SHROOM3: variants seen among roughly 807,000 people sequenced by gnomAD.
SHROOM3 encodes protein Shroom3.
A neutral mutation model predicts 138.6 loss-of-function variants in SHROOM3; 47 were observed. The ratio of observed to expected loss-of-function variants is 0.34; its 90% CI spans 0.27 to 0.43. The LOEUF is 0.43. Among genes scored for constraint, SHROOM3 ranks in the 20% least tolerant of loss-of-function variants. SHROOM3 has a pLI of 1.00. For synonymous variants in SHROOM3, 1,062 were observed against 1,063.3 expected, an observed-to-expected ratio of 1.00 and a Z score of 0.02; for missense variants, 2,491 against 2,596.5, an observed-to-expected ratio of 0.96 and a Z score of 0.88.
chr4:76,490,236 G>T lies in SHROOM3; in HGVS notation c.168+54016G>T, dbSNP rs74913236. 8.2e-3 allele frequency among the ~76,000 whole-genome samples: 1,249 copies of T among 152,264 alleles called. 16 individuals carry two copies. Among genetic ancestry groups the T allele is most frequent in the African/African-American group, 0.028 (1,147 of 41,556 alleles). ...ATACTTCTATGAAAAGGAAGACTTA[G>T]CCGGCAATCAGTCTGACTGGTTGTG... is the stretch of plus-strand genomic sequence containing the variant. On this transcript the variant is annotated intron_variant, in intron 1 of 10. Coordinates refer to ENST00000296043, the MANE Select transcript of SHROOM3 (RefSeq NM_020859.4).
chr4:76,595,589 ACT>A (rs1734364411), intron 2 of SHROOM3, among the ~76,000 whole-genome samples: 1 of 150,940 alleles, frequency 6.6e-6, no homozygotes, highest in African/African-American at 2.4e-5. Flanking sequence ...CCTCCTGCAA[ACT>A]CTCTTTTTTT....
intron 1 of SHROOM3, among the ~76,000 whole-genome samples, chr4:76,545,427 G>A (rs1055684005): frequency 6.6e-6 from 1 of 152,046 alleles, no homozygotes; most frequent in East Asian, 1.9e-4. Context: ...TGGTCCATAG[G>A]GTGTCACTGG....
At chr4:76,460,731 C>T (rs1731123023) in intron 1 of SHROOM3, among the ~76,000 whole-genome samples, 2 of 150,912 alleles carry the variant, frequency 1.3e-5, no homozygotes, top group African/African-American at 4.9e-5. Context: ...TAGCTCACAC[C>T]TGTAATCCCA....
chr4:76,716,553 C>T (rs980994679), intron 3 of SHROOM3: 54 of 409,104 alleles, frequency 1.3e-4, no homozygotes, highest in Non-Finnish European at 1.6e-4. Flanking sequence ...TAGGTTTAAA[C>T]CTGTTTCTCT....
intron 2 of SHROOM3, among the ~76,000 whole-genome samples, chr4:76,566,312 A>C (rs953067609): frequency 6.6e-6 from 1 of 152,106 alleles, no homozygotes; most frequent in East Asian, 1.9e-4. Context: ...TGCAAATATG[A>C]CATCATTTTA....
intron 1 of SHROOM3, among the ~76,000 whole-genome samples, chr4:76,442,346 G>C (rs562741715): frequency 1.3e-5 from 2 of 151,338 alleles, no homozygotes; most frequent in Non-Finnish European, 2.9e-5. Flanking sequence ...GTATCTGTGT[G>C]TATGTAAAGC....
At chr4:76,683,657 C>T (rs1719260356) in intron 2 of SHROOM3, among the ~76,000 whole-genome samples, 2 of 152,036 alleles carry the variant, frequency 1.3e-5, no homozygotes, top group African/African-American at 2.4e-5. Context: ...TGACTCTGAA[C>T]ATTTTTCTTG....
chr4:76,435,446 G>A lies in SHROOM3; in HGVS notation c.-607G>A, dbSNP rs1300941403. On this transcript the variant is annotated 5_prime_UTR_variant, in exon 1 of 11. Transcript: ENST00000296043. ...GATTGTTGAAAAAAAGAAGTAAAAAGTTTTAGCACAGCTTCTCTGTCTCTT... is the reference window on the plus strand; with the variant it reads ...GATTGTTGAAAAAAAGAAGTAAAAAATTTTAGCACAGCTTCTCTGTCTCTT... 1 of 152,136 alleles carries A rather than the reference G, an allele frequency of 6.6e-6. No individual in the cohort carries two copies. Among genetic ancestry groups the A allele is most frequent in the Non-Finnish European group, 1.5e-5 (1 of 68,028 alleles). The allele number at this position is 152,136 out of a possible 1,614,324, so 9.4% of individuals were successfully genotyped here.
intron 2 of SHROOM3, among the ~76,000 whole-genome samples, chr4:76,619,658 A>G (rs749233285): frequency 1.3e-4 from 20 of 152,182 alleles, no homozygotes; most frequent in Non-Finnish European, 2.9e-5. Flanking sequence ...TTTTTATTGT[A>G]AGAGACAGAG....
intron 2 of SHROOM3, among the ~76,000 whole-genome samples, chr4:76,672,510 C>A (rs1408137734): frequency 6.6e-6 from 1 of 151,248 alleles, no homozygotes; most frequent in Non-Finnish European, 1.5e-5. Context: ...GGCAAGTTGA[C>A]TTGAAACTTA....
intron 2 of SHROOM3, among the ~76,000 whole-genome samples, chr4:76,580,265 G>T (rs1456556337): frequency 6.6e-6 from 1 of 152,194 alleles, no homozygotes; most frequent in Non-Finnish European, 1.5e-5. Context: ...TCACTAAGGA[G>T]AATTCTGCTA....
chr4:76,481,367 T>C (rs1406570584), intron 1 of SHROOM3, among the ~76,000 whole-genome samples: 3 of 152,068 alleles, frequency 2.0e-5, no homozygotes. Context: ...ACAAATAAAC[T>C]AGAAAATCTA....
In SHROOM3 at chr4:76,754,867, A is replaced by G. The variant is rs1256489565; in HGVS notation, c.4384A>G (p.Ser1462Gly). ...ANLKHYQKQQ[S>G]LPSLCSTSDP... ...CCTGAAGCACTATCAAAAACAGCAG[A>G]GTCTTCCAAGTTTATGCAGCACTTC... is the stretch of plus-strand genomic sequence containing the variant. Residue 1462 changes from serine to glycine, a missense_variant, in exon 7 of 11, where the codon AGT becomes GGT. Physicochemically the swap from Ser to Gly is moderately conservative, Grantham distance 56 (BLOSUM62 0). This residue lies in a region of SHROOM3 where 1,733 missense variants were observed against 1,661.6 expected (regional missense o/e 1.04). Coordinates refer to ENST00000296043, the MANE Select transcript of SHROOM3 (RefSeq NM_020859.4). 6.2e-7 allele frequency: 1 copy of G among 1,614,156 alleles called. No individual in the cohort carries two copies. Among genetic ancestry groups the G allele is most frequent in the South Asian group, 1.1e-5 (1 of 91,080 alleles).
Position 76,436,439 on chromosome 4 carries a change from T to C in SHROOM3, c.168+219T>C, listed in dbSNP as rs10019833. Reference sequence around the variant, plus strand: ...AAATCCGAAGAAAAATATGCCTGTTTGATGGATAATCTTCTCTTTTTGTGA... The same window carrying C: ...AAATCCGAAGAAAAATATGCCTGTTCGATGGATAATCTTCTCTTTTTGTGA... On this transcript the variant is annotated intron_variant, in intron 1 of 10. Transcript: ENST00000296043. 0.3 allele frequency among the ~76,000 whole-genome samples: 46,199 copies of C among 152,068 alleles called. 8,211 individuals are homozygous for C. The highest frequency in any genetic ancestry group is 0.41 in the Non-Finnish European group (27,689 of 67,962).
intron 1 of SHROOM3, among the ~76,000 whole-genome samples, chr4:76,513,558 C>T (rs1049602074): frequency 6.6e-6 from 1 of 152,202 alleles, no homozygotes; most frequent in African/African-American, 2.4e-5. Context: ...AGGTGACCCA[C>T]CCGTCTCGGC....
intron 2 of SHROOM3, among the ~76,000 whole-genome samples, chr4:76,620,711 G>A (rs1253765783): frequency 6.6e-6 from 1 of 152,180 alleles, no homozygotes; most frequent in Non-Finnish European, 1.5e-5. Flanking sequence ...AGGCGGAAAG[G>A]GCAGGGGGCT....
intron 2 of SHROOM3, among the ~76,000 whole-genome samples, chr4:76,580,834 A>G (rs1233042864): frequency 1.3e-5 from 2 of 152,222 alleles, no homozygotes; most frequent in Non-Finnish European, 2.9e-5. Flanking sequence ...AAAACAAAAT[A>G]TGTATTTAAT....
intron 1 of SHROOM3, among the ~76,000 whole-genome samples, chr4:76,547,932 A>AAC (rs57089323): frequency 0.24 from 34,423 of 146,060 alleles, 4,380 homozygotes; most frequent in Middle Eastern, 0.35. Flanking sequence ...CCTGTCTCAA[A>AAC]ACACACACAC....
chr4:76,679,437 G>C (rs1166224316), intron 2 of SHROOM3, among the ~76,000 whole-genome samples: 1 of 152,136 alleles, frequency 6.6e-6, no homozygotes, highest in East Asian at 1.9e-4. Flanking sequence ...TAAAATACAA[G>C]TTGTAAGCCA....
Sources: gnomAD v4.1 joint callset for allele counts (sites outside exome capture counted in the v4.1 genomes callset) on GRCh38, gnomAD v4.1.1 for gene constraint, gnomAD v4.1.1 regional missense constraint, MANE v1.5 for transcripts, NCBI Gene and HGNC (gene_info 2026-07-23, HGNC 2026-07-21) for gene names.